FRG1: variants seen among roughly 807,000 people sequenced by gnomAD.
FRG1 encodes the protein FSHD region gene 1.
Under a neutral mutation model 37.0 loss-of-function variants are expected in FRG1, and 19 were observed. The observed-to-expected ratio is 0.51, with a 90% CI of 0.36 to 0.75. The LOEUF (loss-of-function observed/expected upper bound fraction) is 0.75. FRG1 is among the 30% of genes least tolerant of loss of function. The probability of loss-of-function intolerance (pLI) is 0.00; values close to 1 mark genes in which losing one functional copy is unlikely to be tolerated. For missense variants in FRG1, 243 were observed against 301.4 expected (o/e 0.81, Z 1.44); for synonymous variants, 73 against 96.5 (o/e 0.76, Z 1.43).
At chr4:189,961,568 C>T (rs1472394967) in intron 7 of FRG1, 6 of 249,592 alleles carry the variant, frequency 2.4e-5, no homozygotes, top group Non-Finnish European at 4.6e-5. Context: ...CCACTATGCT[C>T]GGCTAATTTT....
chr4:189,940,877 C>CA lies in FRG1; in HGVS notation c.-133_-132insA. On this transcript the variant is annotated 5_prime_UTR_variant, in exon 1 of 9. Coordinates refer to ENST00000226798, the MANE Select transcript of FRG1 (RefSeq NM_004477.3). ...GTTTGGGTGAAGACGGAGGCGGGTT[C>CA]TACAGAGACGTAGGCTGTCAGGGAG... The CA allele has an allele frequency of 1.5e-6, 1 of 650,746 alleles. No individual in the cohort carries two copies. Among genetic ancestry groups the CA allele is most frequent in the Non-Finnish European group, 2.7e-6 (1 of 368,502 alleles). 40.3% of individuals were successfully genotyped at this position (650,746 alleles called of 1,614,324 possible).
At chr4:189,945,935 T>A (rs1380494037) in intron 2 of FRG1, among the ~76,000 whole-genome samples, 2 of 152,178 alleles carry the variant, frequency 1.3e-5, no homozygotes, top group Non-Finnish European at 1.5e-5. Context: ...AAAATTAAAA[T>A]TTTTTAAGAG....
At chr4:189,959,240 G>A (rs1397539969) in intron 6 of FRG1, among the ~76,000 whole-genome samples, 1 of 152,152 alleles carries the variant, frequency 6.6e-6, no homozygotes, top group African/African-American at 2.4e-5. Flanking sequence ...AATCTAAAAT[G>A]TAGGTATTTT....
At chr4:189,953,259 T>C in intron 4 of FRG1, 134 bp downstream of exon 4, 1 of 1,339,720 alleles carries the variant, frequency 7.5e-7, no homozygotes. Context: ...TTTTGAAAAG[T>C]AGATTTTGTG....
Position 189,940,872 on chromosome 4 carries a change from G to A in FRG1, c.-138G>A, listed in dbSNP as rs971158375. On this transcript the variant is annotated 5_prime_UTR_variant, in exon 1 of 9. Coordinates refer to ENST00000226798, the MANE Select transcript of FRG1 (RefSeq NM_004477.3). ...TCAGCGTTTGGGTGAAGACGGAGGC[G>A]GGTTCTACAGAGACGTAGGCTGTCA... The A allele has an allele frequency of 2.4e-5, 15 of 616,056 alleles. No homozygotes were observed. The highest frequency in any genetic ancestry group is 3.8e-5 in the Non-Finnish European group (13 of 346,244). 38.2% of individuals were successfully genotyped at this position (616,056 alleles called of 1,614,324 possible).
chr4:189,953,831 AAGAC>A (rs1371673127), intron 4 of FRG1, among the ~76,000 whole-genome samples: 13 of 152,186 alleles, frequency 8.5e-5, no homozygotes, highest in East Asian at 3.8e-4. Flanking sequence ...AGTATGGTGA[AAGAC>A]AGAATAAAAG....
At chr4:189,954,160 T>G (rs1736878818) in intron 4 of FRG1, among the ~76,000 whole-genome samples, 2 of 151,778 alleles carry the variant, frequency 1.3e-5, no homozygotes, top group Admixed American at 1.3e-4. Context: ...TAGGATACTG[T>G]TTTTTCCATA....
chr4:189,950,425 A>G (rs140020736), intron 2 of FRG1, among the ~76,000 whole-genome samples: 1 of 152,272 alleles, frequency 6.6e-6, no homozygotes, highest in African/African-American at 2.4e-5. Flanking sequence ...TTGATGTTCT[A>G]CATAAGAAAT....
intron 8 of FRG1, among the ~76,000 whole-genome samples, chr4:189,962,599 G>A (rs73024975): frequency 3.9e-5 from 6 of 151,984 alleles, no homozygotes; most frequent in African/African-American, 1.2e-4. Flanking sequence ...GTTTAATTAC[G>A]TATTTCCTGT....
chr4:189,951,080 T>C (rs1189318854), intron 2 of FRG1, among the ~76,000 whole-genome samples: 1 of 152,230 alleles, frequency 6.6e-6, no homozygotes, highest in Non-Finnish European at 1.5e-5. Context: ...AGATATAAAC[T>C]TTTATAACAA....
chr4:189,961,225 A>G, intron 7 of FRG1: 1 of 176,080 alleles, frequency 5.7e-6, no homozygotes, highest in South Asian at 1.3e-4. Flanking sequence ...CTATTCATTC[A>G]TAGAATGGGT....
chr4:189,943,293 C>G (rs183045527), intron 2 of FRG1, 21 bp downstream of exon 2: 3 of 1,588,580 alleles, frequency 1.9e-6, no homozygotes, highest in South Asian at 1.2e-5. Flanking sequence ...TTTCAGTGCT[C>G]TATTCTGAAA....
At chr4:189,952,406 CTCT>C (rs1736795863) in intron 3 of FRG1, 119 bp downstream of exon 3, 1 of 871,962 alleles carries the variant, frequency 1.1e-6, no homozygotes, top group African/African-American at 1.7e-5. Flanking sequence ...TTGCATTTGA[CTCT>C]TCCATTTTTT....
chr4:189,953,919 A>C (rs1736869747), intron 4 of FRG1, among the ~76,000 whole-genome samples: 1 of 152,216 alleles, frequency 6.6e-6, no homozygotes, highest in South Asian at 2.1e-4. Flanking sequence ...AAGAAAATTA[A>C]CTGACAAATG....
At chr4:189,960,956 T>G (rs1737202662) in intron 7 of FRG1, 117 bp downstream of exon 7, 1 of 1,160,228 alleles carries the variant, frequency 8.6e-7, no homozygotes, top group East Asian at 2.7e-5. Context: ...TAGGCCCAGC[T>G]ACTCGGGAGG....
chr4:189,946,549 G>A (rs79080381), intron 2 of FRG1, among the ~76,000 whole-genome samples: 6 of 151,554 alleles, frequency 4.0e-5, no homozygotes, highest in Non-Finnish European at 8.8e-5. Context: ...TTGCTTCTTA[G>A]GAAGGGAGTT....
rs1736443122 is a variant in FRG1, at chr4:189,944,407, A to C, written c.133+1135A>C. 2.0e-5 allele frequency among the ~76,000 whole-genome samples: 3 copies of C among 152,024 alleles called. No homozygotes were observed. The South Asian group carries it at 6.3e-4, about 32-fold the overall frequency. On this transcript the variant is annotated intron_variant, in intron 2 of 8. Coordinates refer to ENST00000226798, the MANE Select transcript of FRG1 (RefSeq NM_004477.3). ...TAGCCAGGATGGTCAGAAGCTTTTA[A>C]TTTTTATAAAGCTCAGTTTATTTTT...
intron 2 of FRG1, among the ~76,000 whole-genome samples, chr4:189,944,332 A>G (rs1222244750): frequency 6.6e-6 from 1 of 152,100 alleles, no homozygotes; most frequent in Non-Finnish European, 1.5e-5. Flanking sequence ...GCCTGCCACC[A>G]CACCCGGCTA....
chr4:189,952,313 G>A lies in FRG1; in HGVS notation c.259+26G>A, dbSNP rs761261957. 35 of 1,604,370 alleles carry A rather than the reference G, an allele frequency of 2.2e-5. No individual in the cohort carries two copies. The South Asian group carries it at 3.8e-4, about 17-fold the overall frequency. On this transcript the variant is annotated intron_variant, in intron 3 of 8. Transcript: ENST00000226798. ...GTTTGTGTCTGGAAGGGAAGAGGCT[G>A]CCACAAGTGTAGATTTTAGGACATT...
Sources: gnomAD v4.1 joint callset for allele counts (sites outside exome capture counted in the v4.1 genomes callset) on GRCh38, gnomAD v4.1.1 for gene constraint, MANE v1.5 for transcripts, NCBI Gene and HGNC (gene_info 2026-07-23, HGNC 2026-07-21) for gene names.